The following BARD1 variants were observed in gnomAD, a reference collection of about 807,000 sequenced individuals.
BARD1 encodes the protein BRCA1 associated RING domain 1.
A neutral mutation model predicts 77.0 loss-of-function variants in BARD1; 73 were observed. The observed-to-expected ratio is 0.95, with a 90% CI of 0.79 to 1.15. BARD1 has a LOEUF of 1.15. Among genes scored for constraint, BARD1 ranks in the 50% most tolerant of loss-of-function variants. BARD1 has a pLI of 0.00. For synonymous variants in BARD1, 384 were observed against 338.0 expected (o/e 1.14, Z -1.49); for missense variants, 993 against 938.8 (o/e 1.06, Z -0.75).
intron 6 of BARD1, among the ~76,000 whole-genome samples, chr2:214,754,487 T>C (rs1454435892): frequency 1.3e-5 from 2 of 152,082 alleles, no homozygotes; most frequent in South Asian, 2.1e-4. Flanking sequence ...CACATTAGCA[T>C]AGTTATTTTA....
chr2:214,792,875 A>G (rs1336198416), intron 2 of BARD1, among the ~76,000 whole-genome samples: 1 of 152,180 alleles, frequency 6.6e-6, no homozygotes, highest in African/African-American at 2.4e-5. Context: ...GCTTTAAAGT[A>G]GCTTTTGGGA....
chr2:214,750,731 C>G (rs185666526), intron 7 of BARD1, among the ~76,000 whole-genome samples: 7 of 152,232 alleles, frequency 4.6e-5, no homozygotes, highest in Admixed American at 3.3e-4. Context: ...GGAAAGGCTT[C>G]AGGGAAAGAC....
intron 6 of BARD1, among the ~76,000 whole-genome samples, chr2:214,763,096 T>G (rs924597373): frequency 6.6e-6 from 1 of 152,170 alleles, no homozygotes; most frequent in East Asian, 1.9e-4. Context: ...TTATTCCACT[T>G]ACATCACTAA....
At chr2:214,806,287 G>A (rs576029424) in intron 1 of BARD1, among the ~76,000 whole-genome samples, 4 of 152,272 alleles carry the variant, frequency 2.6e-5, no homozygotes, top group Admixed American at 1.3e-4. Flanking sequence ...GAGGGTAATC[G>A]GGGTAATCAC....
At chr2:214,776,667 G>A (rs1204278755) in intron 4 of BARD1, among the ~76,000 whole-genome samples, 1 of 152,166 alleles carries the variant, frequency 6.6e-6, no homozygotes, top group Non-Finnish European at 1.5e-5. Flanking sequence ...CAGTGGTGTG[G>A]TCAAAAAATT....
intron 1 of BARD1, among the ~76,000 whole-genome samples, chr2:214,803,323 G>A (rs9973843): frequency 0.026 from 3,979 of 152,234 alleles, 170 homozygotes; most frequent in African/African-American, 0.091. Flanking sequence ...GTGCTGAGGA[G>A]GATTAGTATA....
chr2:214,764,430 G>A (rs1051460590), intron 6 of BARD1, among the ~76,000 whole-genome samples: 2 of 152,122 alleles, frequency 1.3e-5, no homozygotes, highest in African/African-American at 4.8e-5. Flanking sequence ...TGAGAAACTG[G>A]CTACCAAAAA....
intron 4 of BARD1, among the ~76,000 whole-genome samples, chr2:214,777,613 A>G (rs1694791121): frequency 6.6e-6 from 1 of 152,236 alleles, no homozygotes; most frequent in Non-Finnish European, 1.5e-5. Flanking sequence ...CCACCAAAAA[A>G]GATGCATTAT....
intron 1 of BARD1, among the ~76,000 whole-genome samples, chr2:214,802,837 C>T (rs1696085482): frequency 6.6e-6 from 1 of 152,248 alleles, no homozygotes; most frequent in Non-Finnish European, 1.5e-5. Flanking sequence ...CTACTTTTTC[C>T]CCATCTACAG....
At position 214,767,479 on chromosome 2, in the gene BARD1, T is replaced by TA. The variant is rs761579543; in HGVS notation, c.1568+2dup. On this transcript the variant is annotated splice_region_variant and intron_variant, in intron 6 of 10. Transcript: ENST00000260947. ...AAAATAATTTTTACGTTGAACTACT[T>TA]ACACAGCATTTCTGGAGGCTCCATA... The TA allele has an allele frequency of 6.2e-7, 1 of 1,612,726 alleles. No individual in the cohort carries two copies. The highest frequency in any genetic ancestry group is 1.3e-5 in the African/African-American group (1 of 75,012).
At chr2:214,803,242 T>A (rs1007975241) in intron 1 of BARD1, among the ~76,000 whole-genome samples, 4 of 151,940 alleles carry the variant, frequency 2.6e-5, no homozygotes, top group Non-Finnish European at 2.9e-5. Context: ...CCCCATGTGA[T>A]AGTCTGAAAT....
intron 3 of BARD1, among the ~76,000 whole-genome samples, chr2:214,789,383 A>G (rs1695417191): frequency 1.3e-5 from 2 of 151,704 alleles, no homozygotes; most frequent in African/African-American, 4.8e-5. Context: ...TCTAAAAAAA[A>G]AAAAAATTAA....
intron 7 of BARD1, among the ~76,000 whole-genome samples, chr2:214,748,320 T>A (rs1322343384): frequency 2.0e-5 from 3 of 152,074 alleles, no homozygotes; most frequent in Non-Finnish European, 4.4e-5. Flanking sequence ...GCTGGGGATT[T>A]GACTTGAATA....
chr2:214,801,869 G>GT (rs1553626707), intron 1 of BARD1, among the ~76,000 whole-genome samples: 3 of 116,228 alleles, frequency 2.6e-5, no homozygotes, highest in African/African-American at 8.8e-5. Flanking sequence ...GGTTGTTTTT[G>GT]TTTTTTTTAA....
At chr2:214,731,440 C>A (rs1035275246) in intron 9 of BARD1, among the ~76,000 whole-genome samples, 7 of 152,198 alleles carry the variant, frequency 4.6e-5, no homozygotes, top group African/African-American at 1.7e-4. Flanking sequence ...GAACTGATGG[C>A]ATGTATATAT....
At chr2:214,769,922 A>C (rs1330057525) in intron 4 of BARD1, among the ~76,000 whole-genome samples, 2 of 152,224 alleles carry the variant, frequency 1.3e-5, no homozygotes, top group Admixed American at 6.5e-5. Context: ...TTTAAAAGCC[A>C]TAATTTCACT....
Position 214,728,968 on chromosome 2 carries a change from C to A in BARD1, c.2042G>T (p.Gly681Val). ...GTCCTTTGGATGGTGTTTGAAGGTT[C>A]CCCACAAATAGAAGTAGCATCCATC... is the stretch of plus-strand genomic sequence containing the variant. Reference protein sequence around the residue: ...LFDGCYFYLWGTFKHHPKDNL... With the variant: ...LFDGCYFYLWVTFKHHPKDNL... Residue 681 changes from glycine (G) to valine (V), a missense_variant, in exon 11 of 11, where the codon GGA becomes GTA. By Grantham distance (109) the Gly-to-Val change is moderately radical. Transcript: ENST00000260947. The A allele has an allele frequency of 6.2e-7, 1 of 1,614,106 alleles. No homozygotes were observed. The highest frequency in any genetic ancestry group is 1.3e-5 in the African/African-American group (1 of 75,020).
chr2:214,743,133 A>G (rs962459674), intron 9 of BARD1, among the ~76,000 whole-genome samples: 3 of 152,198 alleles, frequency 2.0e-5, no homozygotes, highest in African/African-American at 7.2e-5. Context: ...ACAGCCTCTT[A>G]GCTGGATCAG....
In BARD1 at chr2:214,787,870, T is replaced by C. The variant is rs900591343; in HGVS notation, c.364+4427A>G. On this transcript the variant is annotated intron_variant, in intron 3 of 10. Transcript: ENST00000260947. Reference sequence around the variant, plus strand: ...GTGCCTTTCAAGTTATTCTCTATTATAGGTTTCACAACAGAAGTTGAGAAA... The same window carrying C: ...GTGCCTTTCAAGTTATTCTCTATTACAGGTTTCACAACAGAAGTTGAGAAA... Among the ~76,000 whole-genome samples, 3 of 152,044 alleles carry C rather than the reference T, an allele frequency of 2.0e-5. No homozygotes were observed. In the East Asian group the frequency reaches 5.8e-4, roughly 29 times the overall value.
Sources: gnomAD v4.1 joint callset for allele counts (sites outside exome capture counted in the v4.1 genomes callset) on GRCh38, gnomAD v4.1.1 for gene constraint, MANE v1.5 for transcripts, NCBI Gene and HGNC (gene_info 2026-07-23, HGNC 2026-07-21) for gene names.